CERK: variants seen among roughly 807,000 people sequenced by gnomAD.
CERK encodes ceramide kinase.
In CERK, 39 loss-of-function variants were observed where a neutral mutation model predicts 63.4. The observed-to-expected ratio is 0.61, with a 90% CI of 0.48 to 0.80. The LOEUF (loss-of-function observed/expected upper bound fraction) is 0.80, where lower values mean the gene tolerates loss of function less well. CERK is among the 30% of genes least tolerant of loss of function. CERK has a pLI of 0.00. For missense variants in CERK, 670 were observed against 714.1 expected (o/e 0.94, Z 0.70); for synonymous variants, 302 against 280.0 (o/e 1.08, Z -0.78).
At chr22:46,712,521 T>C (rs1294151268) in intron 3 of CERK, among the ~76,000 whole-genome samples, 1 of 152,178 alleles carries the variant, frequency 6.6e-6, no homozygotes, top group East Asian at 1.9e-4. Context: ...ATGTCGGACA[T>C]CATGAAACTC....
At chr22:46,729,184 G>A (rs2082933981) in intron 1 of CERK, among the ~76,000 whole-genome samples, 1 of 152,118 alleles carries the variant, frequency 6.6e-6, no homozygotes, top group Non-Finnish European at 1.5e-5. Flanking sequence ...ACAACATAGT[G>A]AGGCCCTGTC....
rs539896334 is a variant in CERK at position 46,733,768 on chromosome 22, G to T, written c.142+4239C>A. 5.9e-5 allele frequency among the ~76,000 whole-genome samples: 9 copies of T among 151,976 alleles called. No homozygotes were observed. The East Asian group carries it at 1.7e-3, about 29-fold the overall frequency. ...TTCTTGTAAGAATTTACAGCCAGGT[G>T]CAGTGGCTAACGCCTGTAATCCCAA... On this transcript the variant is annotated intron_variant, in intron 1 of 12. Transcript: ENST00000216264.
chr22:46,731,751 T>TC (rs1050585243), intron 1 of CERK, among the ~76,000 whole-genome samples: 4 of 151,864 alleles, frequency 2.6e-5, no homozygotes, highest in Admixed American at 2.6e-4. Flanking sequence ...CAGGGCCAGA[T>TC]CGGGGGAGGT....
At chr22:46,724,822 AC>A (rs2082909922) in intron 1 of CERK, among the ~76,000 whole-genome samples, 1 of 152,084 alleles carries the variant, frequency 6.6e-6, no homozygotes, top group Non-Finnish European at 1.5e-5. Context: ...GATCGAGACC[AC>A]CCTGGCTAAC....
At chr22:46,696,604 AGT>A (rs2082757810) in intron 8 of CERK, among the ~76,000 whole-genome samples, 1 of 152,138 alleles carries the variant, frequency 6.6e-6, no homozygotes, top group Non-Finnish European at 1.5e-5. Context: ...GTCTCAACAG[AGT>A]GTGTCATTTC....
chr22:46,702,518 G>C (rs1401840243), intron 6 of CERK, among the ~76,000 whole-genome samples: 1 of 152,076 alleles, frequency 6.6e-6, no homozygotes, highest in Non-Finnish European at 1.5e-5. Context: ...GTCTCTAACT[G>C]TTGACCTCGT....
At chr22:46,694,042 C>T (rs182631072) in intron 9 of CERK, among the ~76,000 whole-genome samples, 376 of 152,200 alleles carry the variant, frequency 2.5e-3, no homozygotes, top group Middle Eastern at 0.02. Context: ...TCATCAGCAG[C>T]CGAGTTCTTT....
At chr22:46,724,258 G>A (rs929920726) in intron 1 of CERK, among the ~76,000 whole-genome samples, 2 of 152,114 alleles carry the variant, frequency 1.3e-5, no homozygotes, top group African/African-American at 4.8e-5. Flanking sequence ...TTATTTTATT[G>A]TAATAATACA....
chr22:46,724,823 C>T (rs9616110), intron 1 of CERK, among the ~76,000 whole-genome samples: 4,674 of 152,012 alleles, frequency 0.031, 83 homozygotes, highest in South Asian at 0.042. Context: ...ATCGAGACCA[C>T]CCTGGCTAAC....
At chr22:46,692,716 C>CCT in intron 10 of CERK, among the ~76,000 whole-genome samples, 1 of 151,802 alleles carries the variant, frequency 6.6e-6, no homozygotes, top group East Asian at 1.9e-4. Flanking sequence ...ACCAGCCTGG[C>CCT]CAACATGGTG....
chr22:46,712,842 CT>C (rs984728690), intron 3 of CERK, among the ~76,000 whole-genome samples: 56 of 124,116 alleles, frequency 4.5e-4, no homozygotes, highest in Middle Eastern at 9.1e-3. Context: ...ATTTTCTTTT[CT>C]TTTCTTTTTT....
intron 1 of CERK, among the ~76,000 whole-genome samples, chr22:46,727,135 C>A (rs569148382): frequency 1.3e-5 from 2 of 152,168 alleles, no homozygotes; most frequent in Non-Finnish European, 2.9e-5. Flanking sequence ...TCTGACCGCA[C>A]GGATGATGAA....
intron 6 of CERK, 31 bp downstream of exon 6, chr22:46,707,812 G>A: frequency 6.3e-7 from 1 of 1,583,952 alleles, no homozygotes; most frequent in Non-Finnish European, 8.6e-7. Context: ...CGGGAACGAA[G>A]AGAACAGAGA....
At position 46,691,844 on chromosome 22, in the gene CERK, C is replaced by T. The variant is rs542908907; in HGVS notation, c.1127-67G>A. 122 of 1,292,350 alleles carry T rather than the reference C, an allele frequency of 9.4e-5. No individual in the cohort carries two copies. The South Asian group carries it at 1.4e-3, about 15-fold the overall frequency. 80.1% of individuals were successfully genotyped at this position (1,292,350 alleles called of 1,614,324 possible). On this transcript the variant is annotated intron_variant, in intron 10 of 12. Coordinates refer to ENST00000216264, the MANE Select transcript of CERK (RefSeq NM_022766.6). ...CGCCGGGCAGCGCCCTGCACCAGGA[C>T]GGTGGGAGGCCATTCGGGCTCTCAC...
chr22:46,689,973 G>C lies in CERK; in HGVS notation c.1541+19C>G. On this transcript the variant is annotated intron_variant, in intron 12 of 12. Transcript: ENST00000216264. ...GCTCAAGGGGATGGCGCTGGTGGCTGGAGGACCCCTGCACGCACCTGACCT... is the reference window on the plus strand; with the variant it reads ...GCTCAAGGGGATGGCGCTGGTGGCTCGAGGACCCCTGCACGCACCTGACCT... 6.3e-7 allele frequency: 1 copy of C among 1,576,154 alleles called. No homozygotes were observed. The highest frequency in any genetic ancestry group is 8.6e-7 in the Non-Finnish European group (1 of 1,163,782).
chr22:46,711,739 T>G (rs2082842090), intron 4 of CERK, among the ~76,000 whole-genome samples: 1 of 152,228 alleles, frequency 6.6e-6, no homozygotes, highest in South Asian at 2.1e-4. Context: ...TTTGTATTCT[T>G]CCCATTCTGG....
chr22:46,707,784 C>A (rs1974441531), intron 6 of CERK, 59 bp downstream of exon 6: 3 of 1,547,262 alleles, frequency 1.9e-6, no homozygotes, highest in Admixed American at 3.8e-5. Context: ...GCTACTTGTG[C>A]AGAACAATTC....
intron 10 of CERK, among the ~76,000 whole-genome samples, chr22:46,692,155 G>A (rs984993479): frequency 2.0e-5 from 3 of 152,204 alleles, no homozygotes; most frequent in Non-Finnish European, 4.4e-5. Flanking sequence ...GGTCTGGCGC[G>A]GTGGCTCACG....
chr22:46,711,185 A>G (rs1175955078), intron 4 of CERK, 36 bp from the exon 5 acceptor site: 3 of 1,521,148 alleles, frequency 2.0e-6, no homozygotes, highest in South Asian at 1.1e-5. Flanking sequence ...GTTTATATTC[A>G]CATCTGTGAG....
Sources: allele counts gnomAD v4.1 joint callset (sites outside exome capture counted in the v4.1 genomes callset), GRCh38; gene constraint gnomAD v4.1.1; transcripts MANE v1.5; gene names NCBI Gene and HGNC (gene_info 2026-07-23, HGNC 2026-07-21).